The following GIGYF2 variants were observed in gnomAD, a reference collection of about 807,000 sequenced individuals.
GIGYF2 encodes GRB10-interacting GYF protein 2.
GIGYF2 carries 25 observed loss-of-function variants against 208.1 expected under a neutral mutation model. The ratio of observed to expected loss-of-function variants is 0.12; its 90% CI spans 0.09 to 0.17. GIGYF2 has a LOEUF of 0.17. Among genes scored for constraint, GIGYF2 ranks in the 10% least tolerant of loss-of-function variants. The probability of loss-of-function intolerance (pLI) is 1.00; values close to 1 mark genes in which losing one functional copy is unlikely to be tolerated. For missense variants in GIGYF2, 1,302 were observed against 1,579.4 expected (o/e 0.82, Z 2.98); for synonymous variants, 534 against 543.8 (o/e 0.98, Z 0.25).
intron 3 of GIGYF2, among the ~76,000 whole-genome samples, chr2:232,742,895 C>T (rs1161601474): frequency 6.6e-6 from 1 of 152,126 alleles, no homozygotes; most frequent in East Asian, 1.9e-4. Flanking sequence ...GCATATTGAA[C>T]CTGATGGGCT....
chr2:232,750,798 A>C (rs1698311462), intron 5 of GIGYF2, among the ~76,000 whole-genome samples: 1 of 151,018 alleles, frequency 6.6e-6, no homozygotes, highest in Non-Finnish European at 1.5e-5. Context: ...TTACTTATTT[A>C]GATTTTCTAT....
intron 28 of GIGYF2, among the ~76,000 whole-genome samples, chr2:232,856,334 C>T (rs571031284): frequency 3.3e-4 from 50 of 152,258 alleles, no homozygotes; most frequent in African/African-American, 1.2e-3. Context: ...ATTGGAAGAA[C>T]AGAAAGCTAC....
chr2:232,841,455 C>G (rs972963148), intron 23 of GIGYF2, among the ~76,000 whole-genome samples: 2 of 117,640 alleles, frequency 1.7e-5, no homozygotes, highest in African/African-American at 6.7e-5. Context: ...GCCACCACCA[C>G]CAGCTATTTT....
At chr2:232,754,985 A>G (rs1698476314) in intron 5 of GIGYF2, among the ~76,000 whole-genome samples, 1 of 152,126 alleles carries the variant, frequency 6.6e-6, no homozygotes, top group Non-Finnish European at 1.5e-5. Context: ...GGAGAAAATG[A>G]CCTATTTATT....
chr2:232,723,954 G>A (rs1244585537), intron 2 of GIGYF2, among the ~76,000 whole-genome samples: 1 of 149,260 alleles, frequency 6.7e-6, no homozygotes, highest in Non-Finnish European at 1.5e-5. Flanking sequence ...GGCTGGTCTC[G>A]AATTCCCGAC....
chr2:232,830,644 A>G (rs1701400807), intron 21 of GIGYF2, among the ~76,000 whole-genome samples: 1 of 152,062 alleles, frequency 6.6e-6, no homozygotes, highest in African/African-American at 2.4e-5. Flanking sequence ...GAGATTTTTA[A>G]AGCTTTTCCC....
Position 232,803,186 on chromosome 2 carries a change from C to T in GIGYF2, c.1640-3305C>T, listed in dbSNP as rs376164205. Among the ~76,000 whole-genome samples, 14 of 152,308 alleles carry T rather than the reference C, an allele frequency of 9.2e-5. No homozygotes were observed. In the South Asian group the frequency reaches 2.5e-3, roughly 27 times the overall value. Reference sequence around the variant, plus strand: ...GATTACTGGCGTGAGCCACTGTGCCCGGCCTGTTCAGAGATTTTTGATTAC... The same window carrying T: ...GATTACTGGCGTGAGCCACTGTGCCTGGCCTGTTCAGAGATTTTTGATTAC... On this transcript the variant is annotated intron_variant, in intron 14 of 28. Transcript: ENST00000373563.
chr2:232,828,271 G>A (rs1701310672), intron 21 of GIGYF2, among the ~76,000 whole-genome samples: 1 of 152,218 alleles, frequency 6.6e-6, no homozygotes, highest in South Asian at 2.1e-4. Context: ...ACAGGCATGA[G>A]CCATGGTGCC....
At chr2:232,712,008 A>C (rs1696439060) in intron 2 of GIGYF2, among the ~76,000 whole-genome samples, 1 of 152,106 alleles carries the variant, frequency 6.6e-6, no homozygotes, top group South Asian at 2.1e-4. Flanking sequence ...AATCACTTTC[A>C]TTGAAATCAG....
chr2:232,776,061 G>T (rs1214032480), intron 8 of GIGYF2, among the ~76,000 whole-genome samples: 5 of 150,278 alleles, frequency 3.3e-5, no homozygotes, highest in Non-Finnish European at 7.4e-5. Flanking sequence ...AAAACAAAGT[G>T]GCTTATTCTT....
At chr2:232,832,332 G>A (rs1266424172) in intron 21 of GIGYF2, among the ~76,000 whole-genome samples, 2 of 152,200 alleles carry the variant, frequency 1.3e-5, no homozygotes, top group Admixed American at 1.3e-4. Context: ...GCCCAGGTGA[G>A]GGCAAATGCA....
chr2:232,763,715 A>G (rs1698835482), intron 8 of GIGYF2, among the ~76,000 whole-genome samples: 1 of 151,902 alleles, frequency 6.6e-6, no homozygotes, highest in African/African-American at 2.4e-5. Context: ...CTGTACTTCC[A>G]GCTACTGAGG....
At chr2:232,784,204 C>A (rs968529731) in intron 8 of GIGYF2, among the ~76,000 whole-genome samples, 2 of 151,876 alleles carry the variant, frequency 1.3e-5, no homozygotes, top group African/African-American at 4.8e-5. Flanking sequence ...ACAGAAGTGC[C>A]CTTCTACATA....
intron 5 of GIGYF2, among the ~76,000 whole-genome samples, chr2:232,753,549 G>A (rs921678546): frequency 1.3e-5 from 2 of 152,090 alleles, no homozygotes; most frequent in Non-Finnish European, 1.5e-5. Context: ...GTGAGCCACC[G>A]TGCCTGGCAC....
chr2:232,773,016 A>T lies in GIGYF2; in HGVS notation c.532+11580A>T, dbSNP rs190115320. On this transcript the variant is annotated intron_variant, in intron 8 of 28. Transcript: ENST00000373563. ...AGAGACTTTTTTTTGTATTTTCTTC[A>T]GATTTGAGCTAATGGAACACTGGGA... 1.3e-3 allele frequency among the ~76,000 whole-genome samples: 197 copies of T among 152,144 alleles called. 2 individuals are homozygous for T. The highest frequency in any genetic ancestry group is 0.013 in the Admixed American group (195 of 15,282).
rs756015481 is a variant in GIGYF2 at position 232,770,934 on chromosome 2, G to C, written c.532+9498G>C. On this transcript the variant is annotated intron_variant, in intron 8 of 28. Coordinates refer to ENST00000373563, the MANE Select transcript of GIGYF2 (RefSeq NM_001103146.3). Reference sequence around the variant, plus strand: ...TAAAAGCCTCTAGCATGAGGCCTAGGAGCATTTGTATGGCAAGTAAGGCGA... The same window carrying C: ...TAAAAGCCTCTAGCATGAGGCCTAGCAGCATTTGTATGGCAAGTAAGGCGA... 3 of 1,613,826 alleles carry C rather than the reference G, an allele frequency of 1.9e-6. No homozygotes were observed. The East Asian group carries it at 6.7e-5, about 36-fold the overall frequency.
chr2:232,710,192 C>T (rs981440811), intron 2 of GIGYF2, among the ~76,000 whole-genome samples: 11 of 152,030 alleles, frequency 7.2e-5, no homozygotes, highest in African/African-American at 2.7e-4. Flanking sequence ...ATCTCCTGAC[C>T]TTGTGATCCG....
chr2:232,768,298 G>A (rs746208996), intron 8 of GIGYF2: 2 of 1,614,142 alleles, frequency 1.2e-6, no homozygotes, highest in Admixed American at 1.7e-5. Context: ...AGAGGAGTTG[G>A]AAATTCAGGG....
intron 8 of GIGYF2, chr2:232,770,967 T>A: frequency 6.2e-7 from 1 of 1,614,084 alleles, no homozygotes; most frequent in Non-Finnish European, 8.5e-7. Flanking sequence ...CGATTGCACT[T>A]GGACAGTCAC....
Sources: allele counts gnomAD v4.1 joint callset (sites outside exome capture counted in the v4.1 genomes callset), GRCh38; gene constraint gnomAD v4.1.1; transcripts MANE v1.5; gene names NCBI Gene and HGNC (gene_info 2026-07-23, HGNC 2026-07-21).